ACACB: variants seen among roughly 807,000 people sequenced by gnomAD.
ACACB encodes acetyl-CoA carboxylase beta.
ACACB carries 209 observed loss-of-function variants against 278.8 expected under a neutral mutation model. That is an observed-to-expected ratio of 0.75 (90% CI 0.67 to 0.84). The LOEUF (loss-of-function observed/expected upper bound fraction) is 0.84. ACACB is among the 40% of genes least tolerant of loss of function. The probability of loss-of-function intolerance (pLI) is 0.00; values close to 1 mark genes in which losing one functional copy is unlikely to be tolerated. For synonymous variants in ACACB, 1,174 were observed against 1,285.6 expected (o/e 0.91, Z 1.86); for missense variants, 2,850 against 3,269.0 (o/e 0.87, Z 3.13).
chr12:109,216,469 C>A, intron 22 of ACACB, 149 bp from the exon 23 acceptor site: 1 of 687,842 alleles, frequency 1.5e-6, no homozygotes, highest in Non-Finnish European at 2.3e-6. Flanking sequence ...ATCTGCCTGC[C>A]TCGGCCTCCC....
chr12:109,247,748 T>C, intron 40 of ACACB, 45 bp downstream of exon 40: 3 of 1,469,970 alleles, frequency 2.0e-6, no homozygotes, highest in Non-Finnish European at 2.9e-6. Context: ...TCATGGTTAA[T>C]TTCAGCTGTC....
intron 19 of ACACB, 55 bp from the exon 20 acceptor site, chr12:109,206,655 C>T (rs1001328707): frequency 1.4e-5 from 23 of 1,605,718 alleles, no homozygotes; most frequent in Middle Eastern, 2.1e-4. Context: ...CTGCCCGGTC[C>T]CATTTGGAAT....
chr12:109,191,394 G>A (rs1335803734), intron 13 of ACACB: 3 of 423,544 alleles, frequency 7.1e-6, no homozygotes, highest in South Asian at 2.2e-5. Context: ...TTGTATTTTT[G>A]GTAGAGATGG....
At chr12:109,194,189 T>TG (rs975944786) in intron 16 of ACACB, among the ~76,000 whole-genome samples, 4,542 of 150,444 alleles carry the variant, frequency 0.03, 174 homozygotes, top group African/African-American at 0.088. Context: ...GTTTTTTTTT[T>TG]TTGTTGTTGT....
chr12:109,149,977 G>A (rs2136071644), intron 2 of ACACB, among the ~76,000 whole-genome samples: 1 of 152,320 alleles, frequency 6.6e-6, no homozygotes, highest in South Asian at 2.1e-4. Context: ...TTGGGGCCAA[G>A]TTCTGTGATT....
chr12:109,199,583 G>T, intron 18 of ACACB, 31 bp downstream of exon 18: 2 of 1,398,556 alleles, frequency 1.4e-6, no homozygotes, highest in Non-Finnish European at 1.9e-6. Flanking sequence ...GGGGAATCCT[G>T]AACCCTCAAA....
chr12:109,254,834 G>A (rs2047184386), intron 44 of ACACB, among the ~76,000 whole-genome samples: 2 of 151,918 alleles, frequency 1.3e-5, no homozygotes, highest in African/African-American at 4.8e-5. Flanking sequence ...GAGTGCAGTG[G>A]CGCGATCTTG....
chr12:109,218,797 C>G (rs2046080760), intron 24 of ACACB, among the ~76,000 whole-genome samples: 2 of 147,684 alleles, frequency 1.4e-5, no homozygotes, highest in South Asian at 4.3e-4. Flanking sequence ...GAGGCAGAGT[C>G]TCACTCTATC....
At chr12:109,155,514 C>CA (rs1480845830) in intron 2 of ACACB, among the ~76,000 whole-genome samples, 1 of 150,624 alleles carries the variant, frequency 6.6e-6, no homozygotes, top group Non-Finnish European at 1.5e-5. Flanking sequence ...TATAGATAAG[C>CA]AAAAAAGAGG....
rs768562087 is a variant in ACACB, at chr12:109,212,899, T to G, written c.3313T>G (p.Phe1105Val). ...GCGGAAGGCTGATCGAGAGGTCTTC[T>G]TCATCAACACCCAGAGCATCGTGCA... Reference protein sequence around the residue: ...LQRKADREVFFINTQSIVQLV... With the variant: ...LQRKADREVFVINTQSIVQLV... The change falls in exon 22 of 53, where the codon TTC becomes GTC. Residue 1105 changes from phenylalanine to valine, a missense_variant. Physicochemically the swap from Phe to Val is conservative, Grantham distance 50. This residue lies in a region of ACACB where 2,265 missense variants were observed against 2,561.3 expected (regional missense o/e 0.88). Transcript: ENST00000338432. The G allele has an allele frequency of 1.2e-6, 2 of 1,614,090 alleles. No individual in the cohort carries two copies. The highest frequency in any genetic ancestry group is 8.5e-7 in the Non-Finnish European group (1 of 1,179,962).
At chr12:109,128,539 A>T (rs1164438130) in intron 1 of ACACB, among the ~76,000 whole-genome samples, 1 of 151,888 alleles carries the variant, frequency 6.6e-6, no homozygotes, top group Non-Finnish European at 1.5e-5. Flanking sequence ...GGGTTTCACT[A>T]TGTTGGCCAG....
chr12:109,196,087 G>C (rs1309360438), intron 16 of ACACB, among the ~76,000 whole-genome samples: 1 of 152,108 alleles, frequency 6.6e-6, no homozygotes, highest in Non-Finnish European at 1.5e-5. Context: ...GAATTTTATA[G>C]GTTGAAGGCC....
chr12:109,172,041 G>A (rs1311578858), intron 5 of ACACB, 127 bp downstream of exon 5: 4 of 842,754 alleles, frequency 4.7e-6, no homozygotes, highest in Non-Finnish European at 7.6e-6. Flanking sequence ...TTCCTGGGCT[G>A]ATGTAACACA....
intron 3 of ACACB, among the ~76,000 whole-genome samples, chr12:109,167,652 T>TATATATATATATATAC (rs1245570636): frequency 7.1e-6 from 1 of 140,812 alleles, no homozygotes; most frequent in South Asian, 2.3e-4. Flanking sequence ...TATATATATA[T>TATATATATATATATAC]ATTTCAGACA....
chr12:109,166,669 A>AAAAAAAC (rs1565880089), intron 2 of ACACB, among the ~76,000 whole-genome samples, 192 bp from the exon 3 acceptor site: 1 of 145,118 alleles, frequency 6.9e-6, no homozygotes, highest in Non-Finnish European at 1.5e-5. Context: ...AAAAAAAAAA[A>AAAAAAAC]AAAAAAAACC....
chr12:109,175,362 G>T (rs2044250154), intron 7 of ACACB, among the ~76,000 whole-genome samples: 1 of 151,328 alleles, frequency 6.6e-6, no homozygotes. Flanking sequence ...ATTTTTTTTT[G>T]GATTTAGATT....
Position 109,238,713 on chromosome 12 carries a change from A to G in ACACB, c.4663-1117A>G, listed in dbSNP as rs944652229. Among the ~76,000 whole-genome samples the G allele has an allele frequency of 2.0e-5, 3 of 151,316 alleles. No homozygotes were observed. In the East Asian group the frequency reaches 5.8e-4, roughly 29 times the overall value. On this transcript the variant is annotated intron_variant, in intron 34 of 52. Coordinates refer to ENST00000338432, the MANE Select transcript of ACACB (RefSeq NM_001093.4). ...TCTGAGTAGCTAGGACTACAGGCAC[A>G]CCCCACCATGCCCAGCTAATTTTGT...
intron 1 of ACACB, among the ~76,000 whole-genome samples, chr12:109,123,762 A>G (rs923888267): frequency 0.012 from 1 of 84 alleles, no homozygotes; most frequent in Non-Finnish European, 0.024. Flanking sequence ...ATCTCGGCTC[A>G]CTTGCAGCCT....
intron 16 of ACACB, among the ~76,000 whole-genome samples, chr12:109,196,149 G>T (rs1050749180): frequency 6.6e-6 from 1 of 152,140 alleles, no homozygotes; most frequent in Non-Finnish European, 1.5e-5. Context: ...ACCAGATGGG[G>T]CAGGCGCTCT....
Sources: allele counts gnomAD v4.1 joint callset (sites outside exome capture counted in the v4.1 genomes callset), GRCh38; gene constraint gnomAD v4.1.1; regional missense constraint gnomAD v4.1.1; transcripts MANE v1.5; gene names NCBI Gene and HGNC (gene_info 2026-07-23, HGNC 2026-07-21).